PEX11A: variants seen among roughly 807,000 people sequenced by gnomAD.
The protein encoded by PEX11A is peroxisomal biogenesis factor 11 alpha, also known as peroxisomal membrane protein 11A.
PEX11A carries 13 observed loss-of-function variants against 14.4 expected under a neutral mutation model. The ratio of observed to expected loss-of-function variants is 0.90; its 90% confidence interval spans 0.59 to 1.43. The LOEUF (loss-of-function observed/expected upper bound fraction) is 1.43. Ranked by LOEUF, PEX11A falls within the 40% of genes most tolerant of loss-of-function variation. The pLI, the probability that PEX11A is intolerant of heterozygous loss-of-function variation, is 0.00. For synonymous variants in PEX11A, 101 were observed against 113.0 expected (o/e 0.89, Z 0.67); for missense variants, 290 against 302.8 (o/e 0.96, Z 0.31).
chr15:89,688,691 T>C (rs1284486088), intron 1 of PEX11A, among the ~76,000 whole-genome samples: 2 of 150,418 alleles, frequency 1.3e-5, no homozygotes, highest in African/African-American at 4.9e-5. Context: ...GAACCCGGCC[T>C]AAATGATGAT....
rs1964616912 is a variant in PEX11A, at chr15:89,682,725, C to T, written c.*652G>A. ...GGCTACATATAGGCACCCATTGTGA[C>T]CCTGTACCTATTTTTATAAGTCCCT... On this transcript the variant is annotated 3_prime_UTR_variant, in exon 3 of 3. Coordinates refer to ENST00000300056, the MANE Select transcript of PEX11A (RefSeq NM_003847.3). 6.6e-6 allele frequency: 1 copy of T among 152,300 alleles called. No individual in the cohort carries two copies. Among genetic ancestry groups the T allele is most frequent in the African/African-American group, 2.4e-5 (1 of 41,450 alleles). 9.4% of individuals were successfully genotyped at this position (152,300 alleles called of 1,614,324 possible).
rs559420316 is a variant in PEX11A at position 89,682,837 on chromosome 15, T to C, written c.*540A>G. ...GTGCCTGATGCTTTTCTGATTCTAC[T>C]TCTGCACAGAGCAAGGACATGAGTG... On this transcript the variant is annotated 3_prime_UTR_variant, in exon 3 of 3. Transcript: ENST00000300056. The C allele has an allele frequency of 1.1e-3, 165 of 153,632 alleles. No homozygotes were observed. The highest frequency in any genetic ancestry group is 2.0e-3 in the Non-Finnish European group (137 of 69,016). 9.5% of individuals were successfully genotyped at this position (153,632 alleles called of 1,614,324 possible).
In PEX11A at chr15:89,685,269, A is replaced by G. The variant is rs1278227634; in HGVS notation, c.172+1162T>C. ...GTTATCAAAAATAACATAAAATAGTAAAATAGTATATGTAATGACTATTTT... is the reference window on the plus strand; with the variant it reads ...GTTATCAAAAATAACATAAAATAGTGAAATAGTATATGTAATGACTATTTT... On this transcript the variant is annotated intron_variant, in intron 2 of 2. Coordinates refer to ENST00000300056, the MANE Select transcript of PEX11A (RefSeq NM_003847.3). Among the ~76,000 whole-genome samples, 46 of 151,794 alleles carry G rather than the reference A, an allele frequency of 3.0e-4. 1 individual carries two copies. The highest frequency in any genetic ancestry group is 3.0e-3 in the Admixed American group (46 of 15,230).
Position 89,687,026 on chromosome 15 carries a change from C to T in PEX11A, c.57-480G>A, listed in dbSNP as rs11853094. On this transcript the variant is annotated intron_variant, in intron 1 of 2. Transcript: ENST00000300056. Reference sequence around the variant, plus strand: ...GCAACCTCTGCCTCCCTGGTTCAAGCGATTCTCCTGTCTCAGCCTCCCGAG... The same window carrying T: ...GCAACCTCTGCCTCCCTGGTTCAAGTGATTCTCCTGTCTCAGCCTCCCGAG... Among the ~76,000 whole-genome samples the T allele has an allele frequency of 7.8e-3, 1,192 of 152,008 alleles. 17 individuals are homozygous for T. The highest frequency in any genetic ancestry group is 0.027 in the African/African-American group (1,122 of 41,438).
chr15:89,685,454 G>A (rs2141550001), intron 2 of PEX11A, among the ~76,000 whole-genome samples: 1 of 151,700 alleles, frequency 6.6e-6, no homozygotes, highest in East Asian at 2.0e-4. Flanking sequence ...GGCCTTCAGT[G>A]CCATCCAGAA....
chr15:89,687,080 C>T (rs372232102), intron 1 of PEX11A, among the ~76,000 whole-genome samples: 13 of 152,046 alleles, frequency 8.6e-5, no homozygotes, highest in African/African-American at 1.7e-4. Context: ...TGTGCCACCA[C>T]GCCCAGCTAA....
intron 1 of PEX11A, among the ~76,000 whole-genome samples, chr15:89,686,810 GCT>G (rs1964683632): frequency 6.7e-6 from 1 of 149,818 alleles, no homozygotes; most frequent in South Asian, 2.1e-4. Flanking sequence ...AAGGCCTTTT[GCT>G]GGCACAGAGA....
Position 89,686,510 on chromosome 15 carries a change from C to G in PEX11A, c.93G>C (p.Leu31Phe). The change falls in exon 2 of 3, where the codon TTG (leucine) becomes TTC (phenylalanine). Residue 31 changes from leucine to phenylalanine, a missense_variant. Coordinates refer to ENST00000300056, the MANE Select transcript of PEX11A (RefSeq NM_003847.3). Reference sequence around the variant, plus strand: ...TCTCTTTGCCAGCTTTGGGCTCTAACAAATATCTAAGCAACATGCATGTGT... The same window carrying G: ...TCTCTTTGCCAGCTTTGGGCTCTAAGAAATATCTAAGCAACATGCATGTGT... ...TQYTCMLLRY[L>F]LEPKAGKEKV... 1.2e-6 allele frequency: 2 copies of G among 1,600,166 alleles called. No individual in the cohort carries two copies. Among genetic ancestry groups the G allele is most frequent in the Non-Finnish European group, 1.7e-6 (2 of 1,168,074 alleles).
In PEX11A at chr15:89,683,897, A is replaced by G. The variant is rs148173226; in HGVS notation, c.224T>C (p.Ile75Thr). 2.1e-5 allele frequency: 34 copies of G among 1,614,124 alleles called. No homozygotes were observed. In the African/African-American group the frequency reaches 3.9e-4, roughly 18 times the overall value. ...GCGAGGTACCAGGTCAGTGGCATGA[A>G]TGCTCTGCTCAGTTGCCTGTATAGC... ...VHAIQATEQS[I>T]HATDLVPRLC... The change falls in exon 3 of 3, where the codon ATT becomes ACT. Residue 75 changes from isoleucine to threonine, a missense_variant. Coordinates refer to ENST00000300056, the MANE Select transcript of PEX11A (RefSeq NM_003847.3).
chr15:89,688,491 C>T, intron 1 of PEX11A, among the ~76,000 whole-genome samples: 1 of 151,834 alleles, frequency 6.6e-6, no homozygotes, highest in African/African-American at 2.4e-5. Context: ...CTCCCGGATT[C>T]AAGCGATTCT....
rs759527990 is a variant in PEX11A at position 89,690,601 on chromosome 15, G to A, written c.32C>T (p.Thr11Ile). ...CCTGAAGAGTCGGTCCCGGCCCTGG[G>A]TCTGGTTGGTGAAGCGGGTGAAGGC... MDAFTRFTNQTQGRDRLFRAT... is the reference protein window; with the variant it reads MDAFTRFTNQIQGRDRLFRAT... The change falls in exon 1 of 3, where the codon ACC (threonine) becomes ATC (isoleucine). Residue 11 changes from threonine (T) to isoleucine (I), a missense_variant. Physicochemically the swap from Thr to Ile is moderately conservative, Grantham distance 89 (BLOSUM62 -1). Transcript: ENST00000300056. 7 of 1,551,452 alleles carry A rather than the reference G, an allele frequency of 4.5e-6. No homozygotes were observed. In the South Asian group the frequency reaches 8.3e-5, roughly 18 times the overall value.
intron 1 of PEX11A, 61 bp downstream of exon 1, chr15:89,690,516 A>G: frequency 2.3e-6 from 3 of 1,280,968 alleles, no homozygotes; most frequent in South Asian, 1.3e-5. Flanking sequence ...GGTGCAGGGG[A>G]ATAGGCACGG....
At chr15:89,686,925 T>G (rs1242833952) in intron 1 of PEX11A, among the ~76,000 whole-genome samples, 1 of 144,958 alleles carries the variant, frequency 6.9e-6, no homozygotes, top group African/African-American at 2.6e-5. Context: ...CTTTCTTTGT[T>G]TTTTTTTTGT....
Position 89,690,636 on chromosome 15 carries a change from T to A in PEX11A, c.-4A>T. The A allele has an allele frequency of 6.4e-7, 1 of 1,550,884 alleles. No homozygotes were observed. The highest frequency in any genetic ancestry group is 8.7e-7 in the Non-Finnish European group (1 of 1,146,602). ...TGAAGCGGGTGAAGGCGTCCATGGCTTCTAGCCCAAAGGCCACGAGTCGCA... is the reference window on the plus strand; with the variant it reads ...TGAAGCGGGTGAAGGCGTCCATGGCATCTAGCCCAAAGGCCACGAGTCGCA... On this transcript the variant is annotated 5_prime_UTR_variant, in exon 1 of 3. The change creates a new upstream start codon in the 5' untranslated region. Coordinates refer to ENST00000300056, the MANE Select transcript of PEX11A (RefSeq NM_003847.3).
rs1389673207 is a variant in PEX11A, at chr15:89,690,728, C to T, written c.-96G>A. The T allele has an allele frequency of 3.5e-6, 3 of 855,998 alleles. No homozygotes were observed. The highest frequency in any genetic ancestry group is 5.5e-6 in the Non-Finnish European group (3 of 545,520). The allele number at this position is 855,998 out of a possible 1,614,324, so 53.0% of individuals were successfully genotyped here. A position where few individuals can be genotyped will look rare whatever the true frequency, so the allele number is the denominator to read the frequency against. On this transcript the variant is annotated 5_prime_UTR_variant, in exon 1 of 3. Transcript: ENST00000300056. The stretch of plus-strand genomic sequence containing the variant: ...AGGGAACGGTCAGTCCCAGGTTATC[C>T]GCTGAGGGGGAGGGGCTGAGTCTCT...
Position 89,690,584 on chromosome 15 carries a change from G to C in PEX11A, c.49C>G (p.Leu17Val). The C allele has an allele frequency of 6.4e-7, 1 of 1,551,338 alleles. No individual in the cohort carries two copies. Among genetic ancestry groups the C allele is most frequent in the Non-Finnish European group, 8.7e-7 (1 of 1,146,830 alleles). ...CGCTGGCACCTGACTCACCTGAAGA[G>C]TCGGTCCCGGCCCTGGGTCTGGTTG... ...FTNQTQGRDR[L>V]FRATQYTCML... Residue 17 changes from leucine (L) to valine (V), a missense_variant, in exon 1 of 3, where the codon CTC becomes GTC. Leu to Val is a conservative substitution (Grantham distance 32, BLOSUM62 1). Transcript: ENST00000300056.
chr15:89,686,683 AG>A, intron 1 of PEX11A, 137 bp from the exon 2 acceptor site: 1 of 572,890 alleles, frequency 1.7e-6, no homozygotes, highest in Non-Finnish European at 3.1e-6. Context: ...CTCTTACAAA[AG>A]CAAAATTCTG....
rs1188739879 is a variant in PEX11A, at chr15:89,690,590, C to G, written c.43G>C (p.Asp15His). ...CACCTGACTCACCTGAAGAGTCGGT[C>G]CCGGCCCTGGGTCTGGTTGGTGAAG... is the stretch of plus-strand genomic sequence containing the variant. ...TRFTNQTQGR[D>H]RLFRATQYTC... The change falls in exon 1 of 3, where the codon GAC becomes CAC. Residue 15 changes from aspartate to histidine, a missense_variant. Asp to His is a moderately conservative substitution (Grantham distance 81). Coordinates refer to ENST00000300056, the MANE Select transcript of PEX11A (RefSeq NM_003847.3). 3 of 1,551,280 alleles carry G rather than the reference C, an allele frequency of 1.9e-6. No homozygotes were observed. In the African/African-American group the frequency reaches 4.1e-5, roughly 21 times the overall value.
chr15:89,686,325 G>T, intron 2 of PEX11A, 106 bp downstream of exon 2: 1 of 632,752 alleles, frequency 1.6e-6, no homozygotes, highest in Admixed American at 2.9e-5. Context: ...CAATAAACTT[G>T]ATTGACTAGA....
Sources: gnomAD v4.1 joint callset for allele counts (sites outside exome capture counted in the v4.1 genomes callset) on GRCh38, gnomAD v4.1.1 for gene constraint, MANE v1.5 for transcripts, NCBI Gene and HGNC (gene_info 2026-07-23, HGNC 2026-07-21) for gene names.